Variants in LRRC7 observed in about 807,000 individuals in gnomAD.
LRRC7 encodes leucine rich repeat containing 7.
Under a neutral mutation model 175.7 loss-of-function variants are expected in LRRC7, and 23 were observed. That is an observed-to-expected ratio of 0.13 (90% CI 0.09 to 0.19). The LOEUF (loss-of-function observed/expected upper bound fraction) is 0.19. LRRC7 is among the 10% of genes least tolerant of loss of function. The probability of loss-of-function intolerance (pLI) is 1.00; values close to 1 mark genes in which losing one functional copy is unlikely to be tolerated. For synonymous variants in LRRC7, 685 were observed against 680.9 expected, an observed-to-expected ratio of 1.01 and a Z score of -0.09; for missense variants, 1,354 against 1,904.7, an observed-to-expected ratio of 0.71 and a Z score of 5.38.
chr1:69,851,376 A>G (rs1682964683), intron 7 of LRRC7, among the ~76,000 whole-genome samples: 1 of 152,142 alleles, frequency 6.6e-6, no homozygotes, highest in African/African-American at 2.4e-5. Context: ...CTTTTTAAAG[A>G]TAGATCTTAG....
At chr1:69,646,674 A>G (rs1367158592) in intron 1 of LRRC7, among the ~76,000 whole-genome samples, 1 of 152,114 alleles carries the variant, frequency 6.6e-6, no homozygotes, top group Non-Finnish European at 1.5e-5. Flanking sequence ...ACATGGCTTC[A>G]GTACACATTC....
rs571756995 is a variant in LRRC7, at chr1:70,128,108, C to G, written c.*6221C>G. Among the ~76,000 whole-genome samples, 1 of 152,022 alleles carries G rather than the reference C, an allele frequency of 6.6e-6. No homozygotes were observed. Among genetic ancestry groups the G allele is most frequent in the Admixed American group, 6.6e-5 (1 of 15,252 alleles). On this transcript the variant is annotated 3_prime_UTR_variant, in exon 27 of 27. Coordinates refer to ENST00000651989, the MANE Select transcript of LRRC7 (RefSeq NM_001370785.2). ...TCCTGAGTAGCTGGGATTACAGGTG[C>G]GTGCCACCACACTGGGCTAATTTTT...
In LRRC7 at chr1:69,660,041, C is replaced by A. The variant is rs111628710; in HGVS notation, c.3-18340C>A. Among the ~76,000 whole-genome samples the A allele has an allele frequency of 1.2e-3, 179 of 151,958 alleles. 1 individual carries two copies. Among genetic ancestry groups the A allele is most frequent in the African/African-American group, 4.0e-3 (165 of 41,496 alleles). Reference sequence around the variant, plus strand: ...AATTTAAAAAATCTTTTAAAATTCACAACCATATTTTTTTTCAACAGGCAT... The same window carrying A: ...AATTTAAAAAATCTTTTAAAATTCAAAACCATATTTTTTTTCAACAGGCAT... On this transcript the variant is annotated intron_variant, in intron 1 of 26. Transcript: ENST00000651989.
At chr1:69,801,723 G>C (rs1427300734) in intron 4 of LRRC7, among the ~76,000 whole-genome samples, 1 of 150,270 alleles carries the variant, frequency 6.7e-6, no homozygotes, top group African/African-American at 2.4e-5. Flanking sequence ...TTTTAGTTCT[G>C]CTCTGATTTT....
chr1:69,701,260 A>G (rs1041559907), intron 2 of LRRC7, among the ~76,000 whole-genome samples: 2 of 152,268 alleles, frequency 1.3e-5, no homozygotes, highest in Non-Finnish European at 2.9e-5. Flanking sequence ...TTACAGGCTC[A>G]TTGAAGTAAA....
At chr1:69,948,119 A>ACT (rs1557920475) in intron 8 of LRRC7, among the ~76,000 whole-genome samples, 1 of 152,118 alleles carries the variant, frequency 6.6e-6, no homozygotes, top group Non-Finnish European at 1.5e-5. Flanking sequence ...TCATCCTGCT[A>ACT]CTCAGAACAG....
At chr1:69,818,463 C>T (rs1043000793) in intron 4 of LRRC7, among the ~76,000 whole-genome samples, 2 of 152,100 alleles carry the variant, frequency 1.3e-5, no homozygotes, top group African/African-American at 4.8e-5. Context: ...GGGTAAATCC[C>T]ATTTGACTAT....
At chr1:69,739,830 A>G (rs1668511980) in intron 2 of LRRC7, among the ~76,000 whole-genome samples, 1 of 152,114 alleles carries the variant, frequency 6.6e-6, no homozygotes. Context: ...TCAAGATGTC[A>G]ATCACCAGAG....
chr1:70,121,322 A>C (rs1558086071), intron 26 of LRRC7, among the ~76,000 whole-genome samples: 1 of 152,104 alleles, frequency 6.6e-6, no homozygotes, highest in Non-Finnish European at 1.5e-5. Flanking sequence ...GTGAGTCAAA[A>C]TAAGATTTAA....
chr1:69,824,271 C>T (rs113026308), intron 4 of LRRC7, among the ~76,000 whole-genome samples: 1,624 of 152,242 alleles, frequency 0.011, 13 homozygotes, highest in Non-Finnish European at 0.014. Flanking sequence ...ATTTATACTA[C>T]TGTCCATTGA....
intron 2 of LRRC7, among the ~76,000 whole-genome samples, chr1:69,737,177 A>G (rs986383175): frequency 9.2e-5 from 14 of 152,104 alleles, no homozygotes; most frequent in Non-Finnish European, 1.0e-4. Flanking sequence ...CTGTGTCCCC[A>G]CCCAAATCTC....
At chr1:69,871,520 A>T (rs1685537019) in intron 7 of LRRC7, among the ~76,000 whole-genome samples, 1 of 152,048 alleles carries the variant, frequency 6.6e-6, no homozygotes, top group South Asian at 2.1e-4. Flanking sequence ...TCCATGTGTA[A>T]TTTATAAAAT....
In LRRC7 at chr1:69,996,879, C is replaced by T. The variant is rs374512170; in HGVS notation, c.1004+2246C>T. Reference sequence around the variant, plus strand: ...TTGGCTTAGGATTGACTTGGCAATGCGGGCTCTTTTTTGGTTCCATATGAA... The same window carrying T: ...TTGGCTTAGGATTGACTTGGCAATGTGGGCTCTTTTTTGGTTCCATATGAA... On this transcript the variant is annotated intron_variant, in intron 11 of 26. Coordinates refer to ENST00000651989, the MANE Select transcript of LRRC7 (RefSeq NM_001370785.2). 9.7e-4 allele frequency among the ~76,000 whole-genome samples: 147 copies of T among 151,922 alleles called. 1 individual carries two copies. The highest frequency in any genetic ancestry group is 3.3e-3 in the African/African-American group (135 of 41,408).
At chr1:69,574,090 T>C (rs991410492) in intron 1 of LRRC7, among the ~76,000 whole-genome samples, 1 of 152,062 alleles carries the variant, frequency 6.6e-6, no homozygotes. Flanking sequence ...ACAGTGGAAC[T>C]CTAGGATACT....
At chr1:70,044,298 T>C (rs1198557528) in intron 22 of LRRC7, among the ~76,000 whole-genome samples, 1 of 152,178 alleles carries the variant, frequency 6.6e-6, no homozygotes, top group Non-Finnish European at 1.5e-5. Context: ...GGTTCCTGCT[T>C]TTTGGATTGA....
At chr1:69,996,395 C>T (rs899252967) in intron 11 of LRRC7, among the ~76,000 whole-genome samples, 1 of 152,038 alleles carries the variant, frequency 6.6e-6, no homozygotes, top group Non-Finnish European at 1.5e-5. Flanking sequence ...TGTGCAGAAG[C>T]TCTTTAATTA....
At chr1:69,894,900 C>T (rs748163953) in intron 7 of LRRC7, among the ~76,000 whole-genome samples, 22 of 152,166 alleles carry the variant, frequency 1.4e-4, no homozygotes, top group Non-Finnish European at 2.8e-4. Context: ...GTACAACAAA[C>T]AGTGGCCGTT....
intron 4 of LRRC7, among the ~76,000 whole-genome samples, chr1:69,798,123 T>C (rs970551284): frequency 6.6e-6 from 1 of 152,072 alleles, no homozygotes; most frequent in African/African-American, 2.4e-5. Context: ...GATTTCACCA[T>C]GTTGGTCAGG....
At chr1:69,895,584 C>T (rs1938585) in intron 7 of LRRC7, among the ~76,000 whole-genome samples, 61,525 of 151,946 alleles carry the variant, frequency 0.4, 13,404 homozygotes, top group East Asian at 0.55. Flanking sequence ...ACGGTGTCCC[C>T]AAGGCACTGT....
Sources: gnomAD v4.1 joint callset for allele counts (sites outside exome capture counted in the v4.1 genomes callset) on GRCh38, gnomAD v4.1.1 for gene constraint, MANE v1.5 for transcripts, NCBI Gene and HGNC (gene_info 2026-07-23, HGNC 2026-07-21) for gene names.